The following SCAF11 variants were observed in gnomAD, a reference collection of about 807,000 sequenced individuals.
SCAF11 encodes SR-related CTD associated factor 11, also known as protein SCAF11.
In SCAF11, 47 loss-of-function variants were observed where a neutral mutation model predicts 140.5. That is an observed-to-expected ratio of 0.33 (90% CI 0.26 to 0.43). The LOEUF (loss-of-function observed/expected upper bound fraction) is 0.43, where lower values mean the gene tolerates loss of function less well. Among genes scored for constraint, SCAF11 ranks in the 20% least tolerant of loss-of-function variants. The pLI is 1.00. For missense variants in SCAF11, 1,645 were observed against 1,705.1 expected (o/e 0.96, Z 0.62); for synonymous variants, 557 against 579.4 (o/e 0.96, Z 0.55).
chr12:45,956,937 C>T (rs1291138567), intron 3 of SCAF11, among the ~76,000 whole-genome samples: 1 of 152,018 alleles, frequency 6.6e-6, no homozygotes, highest in African/African-American at 2.4e-5. Flanking sequence ...TAAAAAATTT[C>T]CCAAAGGATT....
At chr12:45,985,510 A>G (rs1337855948) in intron 1 of SCAF11, among the ~76,000 whole-genome samples, 1 of 152,182 alleles carries the variant, frequency 6.6e-6, no homozygotes, top group African/African-American at 2.4e-5. Context: ...CTGAAGGCCG[A>G]AAGTCAGATG....
At chr12:45,983,404 A>T (rs1207519708) in intron 1 of SCAF11, among the ~76,000 whole-genome samples, 1 of 152,226 alleles carries the variant, frequency 6.6e-6, no homozygotes, top group East Asian at 1.9e-4. Flanking sequence ...GTGAATGCCT[A>T]CAATATACTA....
chr12:45,951,973 G>A (rs186892172), intron 3 of SCAF11, among the ~76,000 whole-genome samples: 6 of 152,230 alleles, frequency 3.9e-5, no homozygotes, highest in Non-Finnish European at 1.5e-5. Flanking sequence ...TATGCTGCCC[G>A]GTTGAGAACT....
chr12:45,926,131 G>T lies in SCAF11; in HGVS notation c.3559+11C>A. The T allele has an allele frequency of 6.4e-7, 1 of 1,571,552 alleles. No individual in the cohort carries two copies. Among genetic ancestry groups the T allele is most frequent in the Non-Finnish European group, 8.6e-7 (1 of 1,157,468 alleles). ...TAAAACAGTATCAATAAACCAACAA[G>T]AATACATTACCCTGTCCAGATGTTT... On this transcript the variant is annotated intron_variant, in intron 11 of 14. Transcript: ENST00000369367.
At chr12:45,970,196 A>C (rs955570571) in intron 1 of SCAF11, among the ~76,000 whole-genome samples, 1 of 151,934 alleles carries the variant, frequency 6.6e-6, no homozygotes, top group African/African-American at 2.4e-5. Flanking sequence ...GCCCGGCCTC[A>C]ACTAATTTTT....
rs1353651394 is a variant in SCAF11, at chr12:45,945,230, C to T, written c.463+19G>A. The stretch of plus-strand genomic sequence containing the variant: ...ACAACAAAAAAAAAGGTAGAATCCA[C>T]AAGCAAAAAGTAACTTACTATGTAT... On this transcript the variant is annotated intron_variant, in intron 6 of 14. Coordinates refer to ENST00000369367, the MANE Select transcript of SCAF11 (RefSeq NM_004719.3). 4.7e-6 allele frequency: 7 copies of T among 1,486,812 alleles called. No individual in the cohort carries two copies. The highest frequency in any genetic ancestry group is 4.5e-5 in the East Asian group (2 of 43,974). The allele number at this position is 1,486,812 out of a possible 1,614,324, so 92.1% of individuals were successfully genotyped here.
chr12:45,943,295 G>A (rs775154051), intron 6 of SCAF11, among the ~76,000 whole-genome samples: 2 of 152,072 alleles, frequency 1.3e-5, no homozygotes, highest in Non-Finnish European at 2.9e-5. Flanking sequence ...AAAATATTAA[G>A]TGGAAAATTC....
At chr12:45,935,779 G>C (rs1478644091) in intron 6 of SCAF11, among the ~76,000 whole-genome samples, 2 of 152,166 alleles carry the variant, frequency 1.3e-5, no homozygotes, top group African/African-American at 4.8e-5. Flanking sequence ...CAGTTCAAAA[G>C]CTGTTTCACA....
Position 45,926,690 on chromosome 12 carries a change from T to C in SCAF11, c.3011A>G (p.His1004Arg). 1 of 1,613,474 alleles carries C rather than the reference T, an allele frequency of 6.2e-7. No homozygotes were observed. Among genetic ancestry groups the C allele is most frequent in the Non-Finnish European group, 8.5e-7 (1 of 1,179,948 alleles). Residue 1004 changes from histidine (H) to arginine (R), a missense_variant, in exon 11 of 15, where the codon CAT (histidine) becomes CGT (arginine). By Grantham distance (29) the His-to-Arg change is conservative. Transcript: ENST00000369367. ...ENTRKEKNDI[H>R]LDADDPNSAD... ...AGAATTTGGATCATCAGCATCTAGA[T>C]GGATGTCATTTTTTTCTTTTCTTGT...
chr12:45,976,756 G>C (rs1363958560), intron 1 of SCAF11, among the ~76,000 whole-genome samples: 1 of 151,988 alleles, frequency 6.6e-6, no homozygotes, highest in East Asian at 1.9e-4. Context: ...ATCAGAAAAG[G>C]TCTCAAATCA....
At chr12:45,956,120 C>A (rs1945686337) in intron 3 of SCAF11, 1 of 716,400 alleles carries the variant, frequency 1.4e-6, no homozygotes, top group South Asian at 1.5e-5. Flanking sequence ...AATTCAGGAT[C>A]CTCGATTTCT....
rs1945148683 is a variant in SCAF11, at chr12:45,935,439, A to T, written c.464-934T>A. 3.3e-5 allele frequency among the ~76,000 whole-genome samples: 5 copies of T among 152,200 alleles called. No individual in the cohort carries two copies. The South Asian group carries it at 8.3e-4, about 25-fold the overall frequency. On this transcript the variant is annotated intron_variant, in intron 6 of 14. Coordinates refer to ENST00000369367, the MANE Select transcript of SCAF11 (RefSeq NM_004719.3). ...CTGCCTTACCCCTTTGAAAATCTGT[A>T]TCTAAAAGATGATACGCTGATTTTT...
intron 10 of SCAF11, chr12:45,930,803 C>T (rs1342820432): frequency 6.6e-6 from 1 of 151,776 alleles, no homozygotes; most frequent in Non-Finnish European, 1.5e-5. Context: ...AGACTAGTAC[C>T]TACATATATT....
At chr12:45,984,019 A>G (rs74564685) in intron 1 of SCAF11, among the ~76,000 whole-genome samples, 8,272 of 152,300 alleles carry the variant, frequency 0.054, 328 homozygotes, top group South Asian at 0.099. Flanking sequence ...ACAAAAAGGA[A>G]TAAGTATAAA....
At chr12:45,933,948 C>T (rs1246395314) in intron 8 of SCAF11, among the ~76,000 whole-genome samples, 1 of 152,026 alleles carries the variant, frequency 6.6e-6, no homozygotes, top group South Asian at 2.1e-4. Flanking sequence ...GAAAACAAAG[C>T]ACACTGGCAT....
chr12:45,927,172 C>G lies in SCAF11; in HGVS notation c.2529G>C (p.Arg843=), dbSNP rs368451971. Residue 843 remains arginine (R), a synonymous_variant, in exon 11 of 15, where the codon CGG becomes CGC. Transcript: ENST00000369367. ...TTGGGGACTGAGAACGGGATTTTTT[C>G]CGGCCTCTGGCTGACTCATTCTTAG... ...PSPKNESARG[R]KKSRSQSPKK... is the part of the protein sequence containing the mutation. 1.9e-6 allele frequency: 3 copies of G among 1,613,966 alleles called. No individual in the cohort carries two copies. Among genetic ancestry groups the G allele is most frequent in the African/African-American group, 2.7e-5 (2 of 74,980 alleles).
chr12:45,951,743 C>A lies in SCAF11; in HGVS notation c.220-16G>T. 1 of 1,482,286 alleles carries A rather than the reference C, an allele frequency of 6.7e-7. No homozygotes were observed. The highest frequency in any genetic ancestry group is 9.3e-7 in the Non-Finnish European group (1 of 1,078,606). The allele number at this position is 1,482,286 out of a possible 1,614,324, so 91.8% of individuals were successfully genotyped here. On this transcript the variant is annotated splice_polypyrimidine_tract_variant and intron_variant, in intron 3 of 14. Transcript: ENST00000369367. Reference sequence around the variant, plus strand: ...AAGCCAGTGTCTGAAAAGTGATTAACAAATTATATCTTTACAAATGTTTCT... The same window carrying A: ...AAGCCAGTGTCTGAAAAGTGATTAAAAAATTATATCTTTACAAATGTTTCT...
chr12:45,957,915 T>C (rs766573353), intron 3 of SCAF11, among the ~76,000 whole-genome samples: 1 of 152,026 alleles, frequency 6.6e-6, no homozygotes, highest in Non-Finnish European at 1.5e-5. Context: ...TTTTTTGAGA[T>C]AGGGTCTTAT....
chr12:45,990,326 C>T, intron 1 of SCAF11, 27 bp downstream of exon 1: 1 of 1,231,872 alleles, frequency 8.1e-7, no homozygotes, highest in Non-Finnish European at 1.0e-6. Flanking sequence ...CCAAGCCCAT[C>T]CACCCCGCGG....
Sources: gnomAD v4.1 joint callset for allele counts (sites outside exome capture counted in the v4.1 genomes callset) on GRCh38, gnomAD v4.1.1 for gene constraint, MANE v1.5 for transcripts, NCBI Gene and HGNC (gene_info 2026-07-23, HGNC 2026-07-21) for gene names.